KHDRBS2: variants seen among roughly 807,000 people sequenced by gnomAD.
The protein encoded by KHDRBS2 is KH domain-containing, RNA-binding, signal transduction-associated protein 2.
In KHDRBS2, 26 loss-of-function variants were observed where a neutral mutation model predicts 44.3. The observed-to-expected ratio is 0.59, with a 90% CI of 0.43 to 0.81. KHDRBS2 has a LOEUF of 0.81. KHDRBS2 is among the 40% of genes least tolerant of loss of function. The probability of loss-of-function intolerance (pLI) is 0.00; values close to 1 mark genes in which losing one functional copy is unlikely to be tolerated. For synonymous variants in KHDRBS2, 194 were observed against 151.1 expected (o/e 1.28, Z -2.08); for missense variants, 476 against 433.1 (o/e 1.10, Z -0.88).
At chr6:61,856,240 T>C (rs1796130642) in intron 6 of KHDRBS2, among the ~76,000 whole-genome samples, 1 of 152,198 alleles carries the variant, frequency 6.6e-6, no homozygotes, top group Non-Finnish European at 1.5e-5. Context: ...AACATTGGAA[T>C]CCTTGTCTTG....
chr6:62,148,463 AAC>A (rs1295157469), intron 2 of KHDRBS2, among the ~76,000 whole-genome samples: 1 of 152,026 alleles, frequency 6.6e-6, no homozygotes, highest in Non-Finnish European at 1.5e-5. Context: ...TATATAGCTA[AAC>A]ACAGAGTCCA....
intron 6 of KHDRBS2, among the ~76,000 whole-genome samples, chr6:61,855,315 T>C (rs1795990586): frequency 6.6e-6 from 1 of 152,036 alleles, no homozygotes; most frequent in Non-Finnish European, 1.5e-5. Context: ...CAAAAATACA[T>C]AGTCTTTTGA....
intron 4 of KHDRBS2, among the ~76,000 whole-genome samples, chr6:61,932,563 G>A (rs1810262053): frequency 6.6e-6 from 1 of 152,172 alleles, no homozygotes; most frequent in Non-Finnish European, 1.5e-5. Context: ...CACCTGGGGA[G>A]GCTGAGGCAG....
chr6:61,682,935 G>A (rs1033524663), intron 8 of KHDRBS2, among the ~76,000 whole-genome samples: 3 of 151,916 alleles, frequency 2.0e-5, no homozygotes, highest in African/African-American at 4.8e-5. Flanking sequence ...TTTACACCAC[G>A]TTTATGAGAT....
chr6:62,044,318 A>T (rs1314128189), intron 3 of KHDRBS2, among the ~76,000 whole-genome samples: 1 of 151,844 alleles, frequency 6.6e-6, no homozygotes, highest in Non-Finnish European at 1.5e-5. Context: ...TCTACAAAAA[A>T]TTTTAAAATT....
chr6:61,876,553 C>T (rs1799434853), intron 6 of KHDRBS2, among the ~76,000 whole-genome samples: 1 of 152,020 alleles, frequency 6.6e-6, no homozygotes, highest in African/African-American at 2.4e-5. Context: ...AGACACTCAT[C>T]TGCCTGGTGC....
intron 1 of KHDRBS2, among the ~76,000 whole-genome samples, chr6:62,240,672 GTATATATA>G (rs4036655): frequency 0.024 from 1,518 of 64,122 alleles, 25 homozygotes; most frequent in Admixed American, 0.037. Context: ...ATGTGTGTGT[GTATATATA>G]TATATATATA....
rs1766239309 is a variant in KHDRBS2, at chr6:61,681,059, T to G, written c.954A>C (p.Ala318=). 1.2e-6 allele frequency: 2 copies of G among 1,609,274 alleles called. No homozygotes were observed. Residue 318 remains alanine (A), a splice_region_variant and synonymous_variant, in exon 9 of 9, where the codon GCA becomes GCC. Transcript: ENST00000281156. The stretch of plus-strand genomic sequence containing the variant: ...AGCGGGTTGTGGCCCATTCTTCTGG[T>G]GCTGTGAAAAAGAGAAAGATAGTAA... The part of the protein sequence containing the change: ...GVSEDAYDSY[A]PEEWATTRSS...
the KHDRBS2 span, among the ~76,000 whole-genome samples, chr6:61,585,351 C>T: frequency 6.6e-6 from 1 of 152,024 alleles, no homozygotes; most frequent in Non-Finnish European, 1.5e-5. Context: ...AAGCATTTTA[C>T]AGTGTTCCAA....
At chr6:61,837,249 T>C (rs2127268106) in intron 6 of KHDRBS2, among the ~76,000 whole-genome samples, 1 of 152,164 alleles carries the variant, frequency 6.6e-6, no homozygotes, top group South Asian at 2.1e-4. Flanking sequence ...CACATAAGTA[T>C]TCAAAGTGTT....
At chr6:61,838,731 T>A (rs1449140618) in intron 6 of KHDRBS2, among the ~76,000 whole-genome samples, 1 of 152,000 alleles carries the variant, frequency 6.6e-6, no homozygotes, top group Non-Finnish European at 1.5e-5. Context: ...GCCAACTTGC[T>A]ATCATCCTTC....
intron 4 of KHDRBS2, among the ~76,000 whole-genome samples, chr6:61,973,680 T>C (rs1306425784): frequency 1.3e-5 from 2 of 152,036 alleles, no homozygotes; most frequent in Non-Finnish European, 2.9e-5. Context: ...GTTACACACA[T>C]ACACACACAC....
the KHDRBS2 span, among the ~76,000 whole-genome samples, chr6:61,578,709 G>C: frequency 3.9e-5 from 6 of 152,236 alleles, no homozygotes; most frequent in African/African-American, 1.4e-4. Context: ...TTACAGATTT[G>C]TCGGTAGTAA....
chr6:61,706,935 CA>C lies in KHDRBS2; in HGVS notation c.894-9683del, dbSNP rs1769666959. On this transcript the variant is annotated intron_variant, in intron 7 of 8. Coordinates refer to ENST00000281156, the MANE Select transcript of KHDRBS2 (RefSeq NM_152688.4). ...AGTAAAATACTATACAAGTAAAAAA[CA>C]AAAACAAAAACAAAAACAAAAACAA... Among the ~76,000 whole-genome samples, 4 of 148,588 alleles carry C rather than the reference CA, an allele frequency of 2.7e-5. No individual in the cohort carries two copies. The East Asian group carries it at 8.0e-4, about 30-fold the overall frequency.
intron 2 of KHDRBS2, among the ~76,000 whole-genome samples, chr6:62,070,088 A>T (rs1259406285): frequency 1.3e-5 from 2 of 151,614 alleles, no homozygotes; most frequent in East Asian, 2.0e-4. Flanking sequence ...CTCCTTATTT[A>T]ATTACTATGG....
At chr6:62,090,516 A>C (rs534265351) in intron 2 of KHDRBS2, among the ~76,000 whole-genome samples, 1 of 152,118 alleles carries the variant, frequency 6.6e-6, no homozygotes, top group Non-Finnish European at 1.5e-5. Context: ...ATACCAATGC[A>C]ATTCTCTACC....
chr6:61,681,589 C>T (rs1766312888), intron 8 of KHDRBS2, among the ~76,000 whole-genome samples: 1 of 151,558 alleles, frequency 6.6e-6, no homozygotes, highest in Admixed American at 6.6e-5. Context: ...AAGTGAGAGA[C>T]AAGCAGAATA....
chr6:61,646,427 C>A, the KHDRBS2 span, among the ~76,000 whole-genome samples: 75 of 152,214 alleles, frequency 4.9e-4, 1 homozygote, highest in South Asian at 0.015. Context: ...CCTCCAAGGA[C>A]AACTACTTTC....
chr6:61,825,483 C>G (rs1790691469), intron 6 of KHDRBS2, among the ~76,000 whole-genome samples: 1 of 152,098 alleles, frequency 6.6e-6, no homozygotes, highest in Non-Finnish European at 1.5e-5. Flanking sequence ...CAAAATTATC[C>G]TAAATATTTT....
Sources: allele counts gnomAD v4.1 joint callset (sites outside exome capture counted in the v4.1 genomes callset), GRCh38; gene constraint gnomAD v4.1.1; transcripts MANE v1.5; gene names NCBI Gene and HGNC (gene_info 2026-07-23, HGNC 2026-07-21).